Variants in CACNA2D1 observed in about 807,000 individuals in gnomAD.
CACNA2D1 encodes the protein voltage-dependent calcium channel subunit alpha-2/delta-1.
In CACNA2D1, 53 loss-of-function variants were observed where a neutral mutation model predicts 171.5. The ratio of observed to expected loss-of-function variants is 0.31; its 90% CI spans 0.25 to 0.39. CACNA2D1 has a LOEUF of 0.39. CACNA2D1 is among the 10% of genes least tolerant of loss of function. CACNA2D1 has a pLI of 1.00. For missense variants in CACNA2D1, 903 were observed against 1,299.8 expected, an observed-to-expected ratio of 0.69 and a Z score of 4.69; for synonymous variants, 442 against 443.1, an observed-to-expected ratio of 1.00 and a Z score of 0.03.
intron 10 of CACNA2D1, among the ~76,000 whole-genome samples, chr7:82,040,470 A>T (rs1489665677): frequency 2.1e-5 from 3 of 141,022 alleles, no homozygotes; most frequent in African/African-American, 7.8e-5. Flanking sequence ...AAAAAAAAAA[A>T]ACAGAAGGCT....
In CACNA2D1 at chr7:82,229,501, A is replaced by AT. The variant is rs1252854549; in HGVS notation, c.295-58893dup. Among the ~76,000 whole-genome samples, 4 of 151,682 alleles carry AT rather than the reference A, an allele frequency of 2.6e-5. No individual in the cohort carries two copies. The South Asian group carries it at 6.2e-4, about 24-fold the overall frequency. ...CCAACTCCCAATTTTATTATTTCTTATTTTTTTGGTCTCTGCTTCCAACTC... is the reference window on the plus strand; with the variant it reads ...CCAACTCCCAATTTTATTATTTCTTATTTTTTTTGGTCTCTGCTTCCAACTC... On this transcript the variant is annotated intron_variant, in intron 3 of 38. Coordinates refer to ENST00000356860, the MANE Select transcript of CACNA2D1 (RefSeq NM_000722.4).
chr7:82,370,941 C>T (rs969714), intron 1 of CACNA2D1, among the ~76,000 whole-genome samples: 93,442 of 151,884 alleles, frequency 0.62, 29,510 homozygotes, highest in Middle Eastern at 0.73. Context: ...GTCATAATAA[C>T]AGACTTATCC....
intron 3 of CACNA2D1, among the ~76,000 whole-genome samples, chr7:82,334,219 C>T (rs118008922): frequency 0.011 from 1,690 of 152,186 alleles, 10 homozygotes; most frequent in Non-Finnish European, 0.016. Flanking sequence ...AATGTGGGCT[C>T]ATATATAACT....
chr7:81,980,012 G>A (rs1796277357), intron 24 of CACNA2D1, among the ~76,000 whole-genome samples: 1 of 151,680 alleles, frequency 6.6e-6, no homozygotes. Context: ...AAGCAGTCAG[G>A]AAGGATGCGT....
chr7:82,092,540 C>CTTTTTT (rs71093360), intron 6 of CACNA2D1, among the ~76,000 whole-genome samples: 384 of 102,516 alleles, frequency 3.7e-3, no homozygotes, highest in Non-Finnish European at 5.0e-3. Context: ...GCCCAGCTAA[C>CTTTTTT]TTTTTTTTTT....
At chr7:81,958,274 ATAT>A (rs1043322200) in intron 38 of CACNA2D1, among the ~76,000 whole-genome samples, 41 of 152,192 alleles carry the variant, frequency 2.7e-4, no homozygotes, top group African/African-American at 9.6e-4. Context: ...TAATTGCATA[ATAT>A]TATCTGTGAA....
intron 1 of CACNA2D1, among the ~76,000 whole-genome samples, chr7:82,369,287 AATTCT>A (rs1822099052): frequency 6.6e-6 from 1 of 151,908 alleles, no homozygotes; most frequent in Non-Finnish European, 1.5e-5. Flanking sequence ...AATTAATGTT[AATTCT>A]ATTACCTGAA....
intron 1 of CACNA2D1, among the ~76,000 whole-genome samples, chr7:82,367,994 T>C (rs1821943889): frequency 6.6e-6 from 1 of 152,180 alleles, no homozygotes; most frequent in Non-Finnish European, 1.5e-5. Context: ...GATCACTGTT[T>C]CCTCATAAAA....
At chr7:82,304,282 G>A (rs1006093013) in intron 3 of CACNA2D1, among the ~76,000 whole-genome samples, 1 of 151,098 alleles carries the variant, frequency 6.6e-6, no homozygotes, top group Non-Finnish European at 1.5e-5. Context: ...AAACAGTATG[G>A]AGCTTCCTCA....
intron 3 of CACNA2D1, among the ~76,000 whole-genome samples, chr7:82,182,208 G>A (rs1797200918): frequency 6.6e-6 from 1 of 151,954 alleles, no homozygotes; most frequent in Non-Finnish European, 1.5e-5. Flanking sequence ...TATTCTGGTT[G>A]CCAAATGCAT....
intron 7 of CACNA2D1, among the ~76,000 whole-genome samples, chr7:82,084,099 A>G (rs961693488): frequency 1.3e-5 from 2 of 152,210 alleles, no homozygotes; most frequent in African/African-American, 2.4e-5. Context: ...AGTGTTTTCA[A>G]TAGGTTTTCA....
At chr7:81,973,394 G>A (rs1045559205) in intron 25 of CACNA2D1, among the ~76,000 whole-genome samples, 7 of 152,040 alleles carry the variant, frequency 4.6e-5, no homozygotes, top group African/African-American at 7.2e-5. Flanking sequence ...CACTGAAGCC[G>A]CTAACTAATC....
rs188477266 is a variant in CACNA2D1 at position 82,170,137 on chromosome 7, G to C, written c.354+413C>G. ...CTTTCATCATATTGCCCACCATCAAGGTGATTATAATATGTATACTGCTTC... is the reference window on the plus strand; with the variant it reads ...CTTTCATCATATTGCCCACCATCAACGTGATTATAATATGTATACTGCTTC... On this transcript the variant is annotated intron_variant, in intron 4 of 38. Transcript: ENST00000356860. 2.7e-3 allele frequency among the ~76,000 whole-genome samples: 417 copies of C among 151,892 alleles called. 3 individuals are homozygous for C. Among genetic ancestry groups the C allele is most frequent in the African/African-American group, 9.5e-3 (393 of 41,494 alleles).
At chr7:82,149,549 T>C (rs1197992986) in intron 4 of CACNA2D1, among the ~76,000 whole-genome samples, 1 of 151,990 alleles carries the variant, frequency 6.6e-6, no homozygotes, top group Non-Finnish European at 1.5e-5. Flanking sequence ...CCATACCAAC[T>C]GTCACTCGGA....
At chr7:82,428,228 T>C (rs980484110) in intron 1 of CACNA2D1, among the ~76,000 whole-genome samples, 4 of 152,120 alleles carry the variant, frequency 2.6e-5, no homozygotes, top group African/African-American at 9.7e-5. Flanking sequence ...TCAGCATAGA[T>C]CCAACATCTA....
At chr7:82,248,083 C>T (rs1585213828) in intron 3 of CACNA2D1, among the ~76,000 whole-genome samples, 1 of 152,278 alleles carries the variant, frequency 6.6e-6, no homozygotes, top group East Asian at 1.9e-4. Flanking sequence ...ATTACAGAGG[C>T]TCCAGTGGTA....
intron 3 of CACNA2D1, among the ~76,000 whole-genome samples, chr7:82,298,576 CTT>C (rs144109103): frequency 2.1e-4 from 29 of 141,440 alleles, no homozygotes; most frequent in Admixed American, 2.1e-4. Flanking sequence ...GTGCAAATGT[CTT>C]TTTTTTTTTT....
chr7:82,261,901 A>G (rs1221780270), intron 3 of CACNA2D1, among the ~76,000 whole-genome samples: 2 of 152,208 alleles, frequency 1.3e-5, no homozygotes, highest in African/African-American at 4.8e-5. Flanking sequence ...ACTACAAAGC[A>G]TGTGATGTTT....
At chr7:81,991,034 C>T in intron 21 of CACNA2D1, 151 bp downstream of exon 21, 1 of 518,512 alleles carries the variant, frequency 1.9e-6, no homozygotes, top group Non-Finnish European at 3.5e-6. Flanking sequence ...GTTTTTCCAT[C>T]TTTTCCATTT....
Sources: gnomAD v4.1 joint callset for allele counts (sites outside exome capture counted in the v4.1 genomes callset) on GRCh38, gnomAD v4.1.1 for gene constraint, MANE v1.5 for transcripts, NCBI Gene and HGNC (gene_info 2026-07-23, HGNC 2026-07-21) for gene names.